Variants in GRIP1 observed in about 807,000 individuals in gnomAD.
GRIP1 encodes the protein glutamate receptor-interacting protein 1.
GRIP1 carries 45 observed loss-of-function variants against 129.9 expected under a neutral mutation model. The observed-to-expected ratio is 0.35, with a 90% CI of 0.27 to 0.44. The LOEUF (loss-of-function observed/expected upper bound fraction) is 0.44, where lower values mean the gene tolerates loss of function less well. GRIP1 is among the 20% of genes least tolerant of loss of function. The pLI, the probability that GRIP1 is intolerant of heterozygous loss-of-function variation, is 1.00. For missense variants in GRIP1, 1,196 were observed against 1,396.8 expected, an observed-to-expected ratio of 0.86 and a Z score of 2.29; for synonymous variants, 530 against 520.8, an observed-to-expected ratio of 1.02 and a Z score of -0.24.
At chr12:66,636,401 T>C (rs1267387417) in intron 1 of GRIP1, among the ~76,000 whole-genome samples, 4 of 152,186 alleles carry the variant, frequency 2.6e-5, no homozygotes, top group African/African-American at 9.7e-5. Context: ...ATGGTTAAAA[T>C]TGTAAAGTTT....
intron 2 of GRIP1, among the ~76,000 whole-genome samples, chr12:66,566,641 A>C (rs536155144): frequency 6.6e-6 from 1 of 152,302 alleles, no homozygotes; most frequent in East Asian, 1.9e-4. Context: ...GCCTCATAAA[A>C]TGAGTTAGGG....
chr12:66,529,787 T>A (rs781090492), intron 5 of GRIP1, 44 bp downstream of exon 5: 1 of 1,031,034 alleles, frequency 9.7e-7, no homozygotes, highest in Non-Finnish European at 1.5e-6. Context: ...TGAAAACCTA[T>A]GGAAATATTT....
chr12:66,977,213 T>TTG (rs2042165802), intron 1 of GRIP1, among the ~76,000 whole-genome samples: 1 of 151,700 alleles, frequency 6.6e-6, no homozygotes, highest in African/African-American at 2.4e-5. Flanking sequence ...TTTTTTTTTT[T>TTG]GTCAAATCAT....
chr12:66,456,519 T>G (rs749900197), intron 9 of GRIP1, among the ~76,000 whole-genome samples, 177 bp from the exon 10 acceptor site: 35 of 152,024 alleles, frequency 2.3e-4, no homozygotes, highest in Non-Finnish European at 4.7e-4. Context: ...GCAAAATAGA[T>G]GATTAACATA....
intron 1 of GRIP1, among the ~76,000 whole-genome samples, chr12:67,030,640 C>T (rs2043008841): frequency 6.6e-6 from 1 of 152,150 alleles, no homozygotes; most frequent in African/African-American, 2.4e-5. Context: ...TTCACCAAAC[C>T]TTCTGAGAAC....
chr12:66,671,251 G>A (rs2034065224), intron 1 of GRIP1, among the ~76,000 whole-genome samples: 1 of 152,024 alleles, frequency 6.6e-6, no homozygotes, highest in Admixed American at 6.5e-5. Flanking sequence ...TTTCCTTAAT[G>A]TCCACCTCAA....
intron 1 of GRIP1, among the ~76,000 whole-genome samples, chr12:66,965,549 TTGTGTGTGTGTG>T (rs368637185): frequency 0.01 from 1,285 of 128,336 alleles, 8 homozygotes; most frequent in African/African-American, 0.013. Flanking sequence ...AAAAGAAACA[TTGTGTGTGTGTG>T]TGTGTGTGTG....
intron 1 of GRIP1, among the ~76,000 whole-genome samples, chr12:66,768,189 A>G (rs1387329716): frequency 6.6e-6 from 1 of 152,208 alleles, no homozygotes; most frequent in Non-Finnish European, 1.5e-5. Flanking sequence ...TTATAGGAGG[A>G]ACATTGGGAA....
chr12:66,558,002 C>G (rs891088817), intron 2 of GRIP1, among the ~76,000 whole-genome samples: 1 of 152,050 alleles, frequency 6.6e-6, no homozygotes, highest in Admixed American at 6.6e-5. Context: ...TACCAATGAT[C>G]AATTAAAAGT....
intron 1 of GRIP1, among the ~76,000 whole-genome samples, chr12:67,050,126 T>G (rs182680813): frequency 6.6e-6 from 1 of 152,184 alleles, no homozygotes; most frequent in African/African-American, 2.4e-5. Flanking sequence ...TATTAAACTT[T>G]TGTCTTTTAT....
At chr12:66,396,314 C>A (rs2056786998) in intron 16 of GRIP1, among the ~76,000 whole-genome samples, 1 of 152,086 alleles carries the variant, frequency 6.6e-6, no homozygotes, top group Non-Finnish European at 1.5e-5. Flanking sequence ...TGCCCAGGAC[C>A]TGGAGACCCA....
At chr12:66,356,124 C>T (rs2054479009) in intron 23 of GRIP1, among the ~76,000 whole-genome samples, 1 of 152,292 alleles carries the variant, frequency 6.6e-6, no homozygotes, top group Admixed American at 6.5e-5. Context: ...GACCCAGATT[C>T]CCGGACAGTG....
At chr12:66,415,487 T>A (rs2057565965) in intron 15 of GRIP1, among the ~76,000 whole-genome samples, 1 of 152,126 alleles carries the variant, frequency 6.6e-6, no homozygotes, top group Non-Finnish European at 1.5e-5. Flanking sequence ...GTAAATTAGT[T>A]CAACCATTAT....
At chr12:66,397,813 C>T (rs1451566123) in intron 16 of GRIP1, among the ~76,000 whole-genome samples, 1 of 152,200 alleles carries the variant, frequency 6.6e-6, no homozygotes, top group African/African-American at 2.4e-5. Context: ...TCACTGTTAA[C>T]ACTGGATGAT....
intron 16 of GRIP1, among the ~76,000 whole-genome samples, chr12:66,397,110 CAAAAAAAAAAAAA>C (rs71436004): frequency 8.3e-5 from 5 of 60,216 alleles, no homozygotes; most frequent in African/African-American, 2.0e-4. Context: ...GACTCTGTCT[CAAAAAAAAAAAAA>C]AAAAAAAAAA....
chr12:66,399,870 T>C (rs1321092598), intron 16 of GRIP1, among the ~76,000 whole-genome samples: 1 of 151,878 alleles, frequency 6.6e-6, no homozygotes, highest in East Asian at 1.9e-4. Flanking sequence ...GCTAAATTTC[T>C]TGGAGTCGGA....
chr12:66,901,423 G>A (rs553134433), intron 1 of GRIP1, among the ~76,000 whole-genome samples: 6 of 152,308 alleles, frequency 3.9e-5, no homozygotes, highest in Admixed American at 2.0e-4. Context: ...GGAAAGGGAG[G>A]CCCTCCATAT....
At chr12:66,446,653 CAGGACTTGCCTCTTA>C (rs1362449997) in intron 11 of GRIP1, among the ~76,000 whole-genome samples, 1 of 152,178 alleles carries the variant, frequency 6.6e-6, no homozygotes, top group Non-Finnish European at 1.5e-5. Flanking sequence ...TTCATGACTT[CAGGACTTGCCTCTTA>C]GTCTGCCTCC....
intron 1 of GRIP1, among the ~76,000 whole-genome samples, chr12:67,028,376 G>A (rs1248492655): frequency 3.3e-5 from 5 of 152,252 alleles, no homozygotes; most frequent in African/African-American, 4.8e-5. Flanking sequence ...TGAATAGAAC[G>A]ACTTTTAAAT....
Sources: gnomAD v4.1 joint callset for allele counts (sites outside exome capture counted in the v4.1 genomes callset) on GRCh38, gnomAD v4.1.1 for gene constraint, MANE v1.5 for transcripts, NCBI Gene and HGNC (gene_info 2026-07-23, HGNC 2026-07-21) for gene names.